The following PCDH11X variants were observed in gnomAD, a reference collection of about 807,000 sequenced individuals.
PCDH11X encodes protocadherin 11 X-linked.
In PCDH11X, 18 loss-of-function variants were observed where a neutral mutation model predicts 53.3. The observed-to-expected ratio is 0.34, with a 90% CI of 0.23 to 0.50. PCDH11X has a LOEUF of 0.50. Ranked by LOEUF, PCDH11X falls within the 20% of genes least tolerant of loss-of-function variation. PCDH11X has a pLI of 0.98. For synonymous variants in PCDH11X, 279 were observed against 393.3 expected (o/e 0.71, Z 3.44); for missense variants, 570 against 1,032.4 (o/e 0.55, Z 6.14).
intron 6 of PCDH11X, among the ~76,000 whole-genome samples, chrX:92,197,272 AAAAGAAACATT>A (rs201059657): frequency 0.011 from 1,183 of 111,762 alleles, 14 homozygotes; most frequent in African/African-American, 0.035. Context: ...ATGTCAGGAG[AAAAGAAACATT>A]AAAGAGAGTA....
chrX:92,144,941 A>C (rs765706334), intron 6 of PCDH11X, among the ~76,000 whole-genome samples: 116 of 111,598 alleles, frequency 1.0e-3, no homozygotes, highest in African/African-American at 3.7e-3. Flanking sequence ...AATTATGTAT[A>C]AATGTCCTGG....
chrX:92,178,159 T>C (rs1245865665), intron 6 of PCDH11X, among the ~76,000 whole-genome samples: 2 of 111,376 alleles, frequency 1.8e-5, no homozygotes, highest in Non-Finnish European at 3.8e-5. Context: ...TCACGAACAG[T>C]AGGAACCCTA....
chrX:91,963,460 C>T (rs996900280), intron 6 of PCDH11X, among the ~76,000 whole-genome samples: 13 of 109,310 alleles, frequency 1.2e-4, no homozygotes, highest in African/African-American at 4.5e-4. Context: ...ACAAATTCCC[C>T]ATTTCCATCT....
At chrX:92,153,569 G>C (rs2065477535) in intron 6 of PCDH11X, among the ~76,000 whole-genome samples, 1 of 111,014 alleles carries the variant, frequency 9.0e-6, no homozygotes, top group South Asian at 3.8e-4. Context: ...ATTTTACTTA[G>C]AGAATGGAGG....
At chrX:91,958,379 T>G (rs1263551876) in intron 6 of PCDH11X, among the ~76,000 whole-genome samples, 1 of 111,433 alleles carries the variant, frequency 9.0e-6, no homozygotes, top group Non-Finnish European at 1.9e-5. Context: ...GGCCAGAGCA[T>G]GTAAAGTTCC....
rs991520356 is a variant in PCDH11X, at chrX:92,622,322, TCA to T, written c.*3391_*3392del. 2.7e-5 allele frequency: 3 copies of T among 109,821 alleles called. No homozygotes were observed. Among genetic ancestry groups the T allele is most frequent in the African/African-American group, 9.9e-5 (3 of 30,287 alleles). The allele number at this position is 109,821 out of a possible 1,213,427, so 9.1% of individuals were successfully genotyped here. A position where few individuals can be genotyped will look rare whatever the true frequency, so the allele number is the denominator to read the frequency against. On this transcript the variant is annotated 3_prime_UTR_variant, in exon 11 of 11. Coordinates refer to ENST00000682573, the MANE Select transcript of PCDH11X (RefSeq NM_032968.5). ...GTTCAGTTCTTAAAATGTAATTATG[TCA>T]CACACACAAAAAATCCTTTTCAATC...
At chrX:92,111,244 A>AAAAAAAAAAAAAAAAAAAAAAC (rs1205205124) in intron 6 of PCDH11X, among the ~76,000 whole-genome samples, 1 of 102,735 alleles carries the variant, frequency 9.7e-6, no homozygotes, top group African/African-American at 3.6e-5. Flanking sequence ...AAAAAAAAAA[A>AAAAAAAAAAAAAAAAAAAAAAC]AAAAAAATCA....
At chrX:92,110,034 T>TCTTTTCTTTAA (rs2064468152) in intron 6 of PCDH11X, among the ~76,000 whole-genome samples, 1 of 112,572 alleles carries the variant, frequency 8.9e-6, no homozygotes, top group Non-Finnish European at 1.9e-5. Context: ...CAGCAGTTAA[T>TCTTTTCTTTAA]CTTTTCTTTA....
chrX:92,027,253 A>T (rs2062982068), intron 6 of PCDH11X, among the ~76,000 whole-genome samples: 1 of 111,289 alleles, frequency 9.0e-6, no homozygotes, highest in Admixed American at 9.6e-5. Flanking sequence ...ATGATCTAAT[A>T]ATTTAGCTTC....
intron 7 of PCDH11X, among the ~76,000 whole-genome samples, chrX:92,256,092 TG>T (rs1353387978): frequency 1.8e-5 from 2 of 112,188 alleles, no homozygotes. Flanking sequence ...CGAGACTCCG[TG>T]GGGTAGGACC....
chrX:92,484,243 A>T (rs1456122088), intron 10 of PCDH11X, among the ~76,000 whole-genome samples: 1 of 98,115 alleles, frequency 1.0e-5, no homozygotes, highest in Non-Finnish European at 2.0e-5. Context: ...GTATATATGT[A>T]TATATGTATA....
intron 7 of PCDH11X, among the ~76,000 whole-genome samples, chrX:92,235,169 A>AC (rs1289719242): frequency 9.7e-6 from 1 of 102,877 alleles, no homozygotes; most frequent in Non-Finnish European, 1.9e-5. Context: ...TAAAAGCACA[A>AC]AATTTTTTTA....
chrX:92,424,934 A>G (rs1233166087), intron 9 of PCDH11X, among the ~76,000 whole-genome samples: 4 of 97,645 alleles, frequency 4.1e-5, no homozygotes, highest in Non-Finnish European at 9.1e-5. Flanking sequence ...GCTGGTGCTT[A>G]TGTTTATGAG....
chrX:92,442,418 C>A (rs2072535662), intron 9 of PCDH11X, among the ~76,000 whole-genome samples: 1 of 111,004 alleles, frequency 9.0e-6, no homozygotes, highest in African/African-American at 3.3e-5. Flanking sequence ...TGGGGGCAGG[C>A]TTTTCCCATG....
chrX:92,063,841 G>A (rs1250162797), intron 6 of PCDH11X, among the ~76,000 whole-genome samples: 14 of 110,063 alleles, frequency 1.3e-4, no homozygotes, highest in Admixed American at 1.1e-3. Context: ...GCACTCTTGG[G>A]CTGTGTGCTC....
chrX:92,558,328 G>T (rs1483450658), intron 10 of PCDH11X, among the ~76,000 whole-genome samples: 1 of 111,472 alleles, frequency 9.0e-6, no homozygotes, highest in African/African-American at 3.3e-5. Flanking sequence ...TAAAGTTGCT[G>T]AATGACTAGG....
intron 5 of PCDH11X, among the ~76,000 whole-genome samples, chrX:91,853,592 A>G: frequency 9.2e-6 from 1 of 108,587 alleles, no homozygotes; most frequent in East Asian, 2.8e-4. Context: ...GCAATTTTAA[A>G]ATAATAAACT....
intron 7 of PCDH11X, among the ~76,000 whole-genome samples, chrX:92,252,374 T>TAC (rs757873528): frequency 0.04 from 4,233 of 104,544 alleles, 101 homozygotes; most frequent in Admixed American, 0.097. Flanking sequence ...TTTGTCATGT[T>TAC]ACACACACAC....
intron 7 of PCDH11X, among the ~76,000 whole-genome samples, chrX:92,212,547 T>A (rs2066611883): frequency 9.0e-6 from 1 of 110,711 alleles, no homozygotes; most frequent in South Asian, 3.8e-4. Flanking sequence ...ACCGGGTTTC[T>A]CCATGTTGGT....
Sources: gnomAD v4.1 joint callset for allele counts (sites outside exome capture counted in the v4.1 genomes callset) on GRCh38, gnomAD v4.1.1 for gene constraint, MANE v1.5 for transcripts, NCBI Gene and HGNC (gene_info 2026-07-23, HGNC 2026-07-21) for gene names.